The following ZFHX3 variants were observed in gnomAD, a reference collection of about 807,000 sequenced individuals.
The protein encoded by ZFHX3 is zinc finger homeobox protein 3.
Under a neutral mutation model 279.1 loss-of-function variants are expected in ZFHX3, and 42 were observed. The ratio of observed to expected loss-of-function variants is 0.15; its 90% CI spans 0.12 to 0.19. The LOEUF is 0.19. ZFHX3 is among the 10% of genes least tolerant of loss of function. ZFHX3 has a pLI of 1.00. For missense variants in ZFHX3, 4,981 were observed against 4,754.0 expected, an observed-to-expected ratio of 1.05 and a Z score of -1.40; for synonymous variants, 2,293 against 1,957.8, an observed-to-expected ratio of 1.17 and a Z score of -4.52.
At chr16:73,187,439 C>T (rs1184707877) in intron 5 of ZFHX3, among the ~76,000 whole-genome samples, 1 of 152,004 alleles carries the variant, frequency 6.6e-6, no homozygotes, top group Non-Finnish European at 1.5e-5. Flanking sequence ...CCCCCCTGCC[C>T]TCTCCTAACT....
intron 5 of ZFHX3, among the ~76,000 whole-genome samples, chr16:73,233,272 G>A (rs2012837080): frequency 6.6e-6 from 1 of 152,290 alleles, no homozygotes; most frequent in Admixed American, 6.5e-5. Flanking sequence ...CCAGAGTCCA[G>A]AGGAAAGAGC....
At position 73,032,797 on chromosome 16, in the gene ZFHX3, G is replaced by A. The variant is rs1597115673; in HGVS notation, c.-50+14955C>T. Among the ~76,000 whole-genome samples the A allele has an allele frequency of 2.0e-5, 3 of 152,242 alleles. No homozygotes were observed. The South Asian group carries it at 6.2e-4, about 32-fold the overall frequency. Reference sequence around the variant, plus strand: ...CTGCTAGTTAGCAACGAGAGCGGATGGAGGACAGTCATTGGAACCACAGGG... The same window carrying A: ...CTGCTAGTTAGCAACGAGAGCGGATAGAGGACAGTCATTGGAACCACAGGG... On this transcript the variant is annotated intron_variant, in intron 1 of 9. Transcript: ENST00000268489.
Position 73,718,843 on chromosome 16 carries a change from T to G in ZFHX3, c.-1607-38603A>C, listed in dbSNP as rs1338648856. 2.6e-5 allele frequency among the ~76,000 whole-genome samples: 4 copies of G among 152,070 alleles called. No individual in the cohort carries two copies. In the East Asian group the frequency reaches 7.8e-4, roughly 30 times the overall value. On this transcript the variant is annotated intron_variant, in intron 1 of 17. Coordinates refer to the ZFHX3 transcript ENST00000641206. ...ATTGGCCAGGCTGGTCTCAAACTCC[T>G]GACCTCGTGATCTGCCCGCCTCGAC...
At chr16:73,820,020 A>G (rs1960687629) in intron 1 of ZFHX3, among the ~76,000 whole-genome samples, 1 of 152,106 alleles carries the variant, frequency 6.6e-6, no homozygotes, top group African/African-American at 2.4e-5. Context: ...TTCTTTCTCC[A>G]TCTCCTTGAA....
chr16:72,841,704 G>A (rs889290650), intron 4 of ZFHX3, among the ~76,000 whole-genome samples: 2 of 152,162 alleles, frequency 1.3e-5, no homozygotes, highest in African/African-American at 4.8e-5. Context: ...GACTCGCTGT[G>A]TATCTATTTA....
chr16:72,921,223 T>C (rs1030766739), intron 3 of ZFHX3, among the ~76,000 whole-genome samples: 1 of 152,154 alleles, frequency 6.6e-6, no homozygotes, highest in Non-Finnish European at 1.5e-5. Context: ...CCCTACATCA[T>C]GCTTAGAGAG....
chr16:73,373,030 G>A (rs2016658744), intron 3 of ZFHX3, among the ~76,000 whole-genome samples: 1 of 152,026 alleles, frequency 6.6e-6, no homozygotes, highest in African/African-American at 2.4e-5. Flanking sequence ...TGAACATCCA[G>A]AGACACACCT....
intron 3 of ZFHX3, among the ~76,000 whole-genome samples, chr16:73,430,034 C>T (rs2017884516): frequency 6.6e-6 from 1 of 152,122 alleles, no homozygotes; most frequent in South Asian, 2.1e-4. Flanking sequence ...ATATAACATG[C>T]ACCACCACAC....
intron 2 of ZFHX3, among the ~76,000 whole-genome samples, chr16:73,619,079 A>C (rs2052332311): frequency 6.6e-6 from 1 of 152,342 alleles, no homozygotes; most frequent in South Asian, 2.1e-4. Context: ...TGGGAAGATA[A>C]GAAAAATTCA....
chr16:73,562,387 A>T, intron 2 of ZFHX3, among the ~76,000 whole-genome samples: 1 of 152,082 alleles, frequency 6.6e-6, no homozygotes, highest in Non-Finnish European at 1.5e-5. Flanking sequence ...CGAGGTCAGG[A>T]GATCGAGACC....
chr16:73,330,678 A>G lies in ZFHX3; in HGVS notation c.-1290-12342T>C, dbSNP rs183969055. Among the ~76,000 whole-genome samples the G allele has an allele frequency of 1.2e-3, 187 of 152,248 alleles. 2 individuals carry two copies. Among genetic ancestry groups the G allele is most frequent in the Middle Eastern group, 6.8e-3 (2 of 294 alleles). ...CTACTGTGATCACTGAACAAGGGAG[A>G]GGCAAGGGCATGTTGATGCTGAGAT... is the stretch of plus-strand genomic sequence containing the variant. On this transcript the variant is annotated intron_variant, in intron 3 of 17. Coordinates refer to the ZFHX3 transcript ENST00000641206.
chr16:73,020,516 C>T (rs1964261408), intron 1 of ZFHX3, among the ~76,000 whole-genome samples: 1 of 152,202 alleles, frequency 6.6e-6, no homozygotes. Flanking sequence ...AGAAAACGGG[C>T]AACGCGGGAC....
chr16:73,624,734 G>A (rs972401323), intron 2 of ZFHX3, among the ~76,000 whole-genome samples: 2 of 152,152 alleles, frequency 1.3e-5, no homozygotes, highest in African/African-American at 2.4e-5. Context: ...AACTGCCAGG[G>A]AGAAGCCTGA....
At chr16:73,308,254 TA>T (rs1567446216) in intron 4 of ZFHX3, among the ~76,000 whole-genome samples, 82 of 32,938 alleles carry the variant, frequency 2.5e-3, no homozygotes, top group South Asian at 5.6e-3. Context: ...TATATATATA[TA>T]TATATATATA....
intron 3 of ZFHX3, among the ~76,000 whole-genome samples, chr16:72,922,674 C>T (rs1309619527): frequency 6.6e-6 from 1 of 152,190 alleles, no homozygotes; most frequent in Non-Finnish European, 1.5e-5. Context: ...TCGTACCTGG[C>T]TTTCTTCCTT....
chr16:72,900,652 T>C (rs1304747198), intron 3 of ZFHX3, among the ~76,000 whole-genome samples: 1 of 152,122 alleles, frequency 6.6e-6, no homozygotes, highest in African/African-American at 2.4e-5. Flanking sequence ...AGCTCAGTGG[T>C]TCTCTAACTT....
intron 2 of ZFHX3, 152 bp downstream of exon 2, chr16:72,957,275 G>C (rs1961293480): frequency 8.0e-6 from 7 of 870,242 alleles, no homozygotes; most frequent in Admixed American, 2.7e-5. Flanking sequence ...AGGGATTCTT[G>C]AGAATACTTG....
At chr16:73,860,342 A>C (rs1426799619) in intron 1 of ZFHX3, among the ~76,000 whole-genome samples, 1 of 151,650 alleles carries the variant, frequency 6.6e-6, no homozygotes, top group Non-Finnish European at 1.5e-5. Context: ...GCAACTTTTC[A>C]AACTCTTCCA....
chr16:73,343,689 A>G, intron 3 of ZFHX3, among the ~76,000 whole-genome samples: 1 of 152,202 alleles, frequency 6.6e-6, no homozygotes, highest in East Asian at 1.9e-4. Context: ...ACTGCACTCC[A>G]GCCTGGGCAA....
Sources: gnomAD v4.1 joint callset for allele counts (sites outside exome capture counted in the v4.1 genomes callset) on GRCh38, gnomAD v4.1.1 for gene constraint, MANE v1.5 for transcripts, NCBI Gene and HGNC (gene_info 2026-07-23, HGNC 2026-07-21) for gene names.